POLG2: variants seen among roughly 807,000 people sequenced by gnomAD.
POLG2 encodes DNA polymerase subunit gamma-2.
Under a neutral mutation model 56.5 loss-of-function variants are expected in POLG2, and 50 were observed. The ratio of observed to expected loss-of-function variants is 0.88; its 90% CI spans 0.71 to 1.12. The LOEUF is 1.12. POLG2 is among the 50% of genes most tolerant of loss of function. The pLI, the probability that POLG2 is intolerant of heterozygous loss-of-function variation, is 0.00. For synonymous variants in POLG2, 226 were observed against 222.6 expected (o/e 1.02, Z -0.14); for missense variants, 584 against 583.3 (o/e 1.00, Z -0.01).
chr17:64,493,074 A>G (rs2038091318), intron 1 of POLG2, 53 bp from the exon 2 acceptor site: 3 of 1,579,586 alleles, frequency 1.9e-6, no homozygotes, highest in South Asian at 2.2e-5. Context: ...AACCCAAATC[A>G]TTTTTGTCAA....
intron 4 of POLG2, among the ~76,000 whole-genome samples, chr17:64,489,384 GA>G (rs568345691): frequency 1.8e-3 from 270 of 151,082 alleles, no homozygotes; most frequent in African/African-American, 6.2e-3. Flanking sequence ...AAGGGAAGGG[GA>G]AAAAAACACC....
intron 1 of POLG2, 126 bp downstream of exon 1, chr17:64,496,281 A>G: frequency 1.5e-6 from 1 of 674,164 alleles, no homozygotes; most frequent in Non-Finnish European, 2.6e-6. Flanking sequence ...ACTACTTCAA[A>G]AAGATGAGAA....
intron 4 of POLG2, among the ~76,000 whole-genome samples, chr17:64,488,754 T>C (rs1555667967): frequency 6.6e-6 from 1 of 152,052 alleles, no homozygotes; most frequent in East Asian, 1.9e-4. Context: ...TCATTAGTTA[T>C]TCATATTTAA....
In POLG2 at chr17:64,485,792, T is replaced by TA. The variant is rs1555667354; in HGVS notation, c.1045dup (p.Tyr349LeufsTer4). ...TGTCAGCTGGAAAGAATCATAGAGG[T>TA]AGGCCAGCATGCCTCGGTCTAGGTC... On this transcript the variant is annotated frameshift_variant, in exon 5 of 8. Coordinates refer to ENST00000539111, the MANE Select transcript of POLG2 (RefSeq NM_007215.4). LOFTEE classifies it high-confidence loss of function. 9 of 1,611,070 alleles carry TA rather than the reference T, an allele frequency of 5.6e-6. No individual in the cohort carries two copies. The African/African-American group carries it at 9.3e-5, about 17-fold the overall frequency.
In POLG2 at chr17:64,493,604, C is replaced by T. The variant is rs550834001; in HGVS notation, c.563-583G>A. Reference sequence around the variant, plus strand: ...GGTTCATGCCATTCTCCTGCCTCAGCCTCCCGAGTAGCTGGGACTACAGGC... The same window carrying T: ...GGTTCATGCCATTCTCCTGCCTCAGTCTCCCGAGTAGCTGGGACTACAGGC... On this transcript the variant is annotated intron_variant, in intron 1 of 7. Coordinates refer to ENST00000539111, the MANE Select transcript of POLG2 (RefSeq NM_007215.4). 1.2e-3 allele frequency among the ~76,000 whole-genome samples: 178 copies of T among 152,134 alleles called. 1 individual carries two copies. The highest frequency in any genetic ancestry group is 4.1e-3 in the African/African-American group (169 of 41,484).
intron 1 of POLG2, among the ~76,000 whole-genome samples, chr17:64,493,530 G>A (rs1282328691): frequency 6.6e-6 from 1 of 152,060 alleles, no homozygotes; most frequent in Non-Finnish European, 1.5e-5. Context: ...TGTCGCCCAG[G>A]CTGGAGTGCA....
At chr17:64,483,081 T>A in intron 5 of POLG2, 82 bp from the exon 6 acceptor site, 2 of 716,966 alleles carry the variant, frequency 2.8e-6, no homozygotes, top group East Asian at 2.5e-5. Flanking sequence ...AGTTTAAATA[T>A]AACACAAGTA....
In POLG2 at chr17:64,494,486, G is replaced by A. The variant is rs548989304; in HGVS notation, c.563-1465C>T. On this transcript the variant is annotated intron_variant, in intron 1 of 7. Coordinates refer to ENST00000539111, the MANE Select transcript of POLG2 (RefSeq NM_007215.4). ...GCTTGAATCAATGATATCGGGGTTT[G>A]CAATATCATGAAATGGTGAATTTTC... Among the ~76,000 whole-genome samples, 7 of 152,264 alleles carry A rather than the reference G, an allele frequency of 4.6e-5. No homozygotes were observed. In the South Asian group the frequency reaches 1.4e-3, roughly 32 times the overall value.
chr17:64,487,860 GT>G (rs1166537940), intron 4 of POLG2, among the ~76,000 whole-genome samples: 2 of 151,708 alleles, frequency 1.3e-5, no homozygotes, highest in African/African-American at 4.8e-5. Context: ...AAAAAAGATT[GT>G]TTATTGTTTT....
chr17:64,491,160 T>C (rs1302782748), intron 3 of POLG2, among the ~76,000 whole-genome samples, 191 bp from the exon 4 acceptor site: 1 of 152,210 alleles, frequency 6.6e-6, no homozygotes, highest in Admixed American at 6.5e-5. Context: ...TCTCATTCTG[T>C]TGCCCAGGTT....
chr17:64,488,025 A>G (rs1449623167), intron 4 of POLG2, among the ~76,000 whole-genome samples: 1 of 152,160 alleles, frequency 6.6e-6, no homozygotes. Flanking sequence ...TCTCTAAAAA[A>G]TATATTTGGA....
chr17:64,488,482 A>T (rs1216949081), intron 4 of POLG2, among the ~76,000 whole-genome samples: 1 of 150,800 alleles, frequency 6.6e-6, no homozygotes, highest in African/African-American at 2.4e-5. Flanking sequence ...GCAGGAGAAC[A>T]GCTTGAGCCC....
At chr17:64,483,714 A>G (rs2037903674) in intron 5 of POLG2, among the ~76,000 whole-genome samples, 1 of 151,264 alleles carries the variant, frequency 6.6e-6, no homozygotes, top group Non-Finnish European at 1.5e-5. Context: ...TTTTTAAATG[A>G]AATTTGCTTT....
intron 3 of POLG2, chr17:64,491,572 T>C (rs1487767815): frequency 2.6e-6 from 4 of 1,552,446 alleles, no homozygotes; most frequent in East Asian, 2.3e-5. Context: ...GAGGTCAAAC[T>C]AGGGGAGCTG....
chr17:64,482,864 T>A lies in POLG2; in HGVS notation c.1191+55A>T. ...CCAAAATGGTCCTGGTCCAAAGCGTTTTTGGATAATACTCAATCTGTAATT... is the reference window on the plus strand; with the variant it reads ...CCAAAATGGTCCTGGTCCAAAGCGTATTTGGATAATACTCAATCTGTAATT... On this transcript the variant is annotated intron_variant, in intron 6 of 7. Coordinates refer to ENST00000539111, the MANE Select transcript of POLG2 (RefSeq NM_007215.4). 4 of 1,038,762 alleles carry A rather than the reference T, an allele frequency of 3.9e-6. No individual in the cohort carries two copies. The South Asian group carries it at 5.1e-5, about 13-fold the overall frequency. The allele number at this position is 1,038,762 out of a possible 1,614,324, so 64.3% of individuals were successfully genotyped here. A position where few individuals can be genotyped will look rare whatever the true frequency, so the allele number is the denominator to read the frequency against.
At chr17:64,485,937 G>C in intron 4 of POLG2, 69 bp from the exon 5 acceptor site, 12 of 1,481,566 alleles carry the variant, frequency 8.1e-6, no homozygotes, top group Non-Finnish European at 1.0e-5. Flanking sequence ...TTTTGAGACG[G>C]AGTCTCACTC....
intron 3 of POLG2, among the ~76,000 whole-genome samples, chr17:64,492,114 G>A (rs1044395506): frequency 1.1e-4 from 17 of 152,196 alleles, no homozygotes; most frequent in African/African-American, 3.6e-4. Flanking sequence ...ACTAAAGTGG[G>A]ATAAAGAAGA....
Position 64,496,988 on chromosome 17 carries a change from GCA to G in POLG2, c.-22_-21del. The G allele has an allele frequency of 3.1e-6, 5 of 1,595,192 alleles. No individual in the cohort carries two copies. The highest frequency in any genetic ancestry group is 4.3e-6 in the Non-Finnish European group (5 of 1,173,948). On this transcript the variant is annotated 5_prime_UTR_variant, in exon 1 of 8. An upstream open reading frame in the 5' UTR loses its in-frame stop. Coordinates refer to ENST00000539111, the MANE Select transcript of POLG2 (RefSeq NM_007215.4). ...GCGCATCTCTCTCCGAAGTTAAAGAGCACACTCTCCCATCACTCAACGGATCC... is the reference window on the plus strand; with the variant it reads ...GCGCATCTCTCTCCGAAGTTAAAGAGCACTCTCCCATCACTCAACGGATCC...
At chr17:64,486,756 G>A (rs1353392992) in intron 4 of POLG2, 1 of 152,060 alleles carries the variant, frequency 6.6e-6, no homozygotes, top group African/African-American at 2.4e-5. Context: ...AAAGGGGTTT[G>A]GAGTATAATT....
Sources: gnomAD v4.1 joint callset for allele counts (sites outside exome capture counted in the v4.1 genomes callset) on GRCh38, gnomAD v4.1.1 for gene constraint, MANE v1.5 for transcripts, NCBI Gene and HGNC (gene_info 2026-07-23, HGNC 2026-07-21) for gene names.